The following MAGI3 variants were observed in gnomAD, a reference collection of about 807,000 sequenced individuals.
The protein encoded by MAGI3 is membrane associated guanylate kinase, WW and PDZ domain containing 3, also known as membrane-associated guanylate kinase, WW and PDZ domain-containing protein 3.
Under a neutral mutation model 121.8 loss-of-function variants are expected in MAGI3, and 43 were observed. That is an observed-to-expected ratio of 0.35 (90% CI 0.28 to 0.46). The LOEUF is 0.46. Among genes scored for constraint, MAGI3 ranks in the 20% least tolerant of loss-of-function variants. The pLI is 1.00. For missense variants in MAGI3, 1,547 were observed against 1,797.3 expected (o/e 0.86, Z 2.52); for synonymous variants, 553 against 639.3 (o/e 0.86, Z 2.04).
intron 1 of MAGI3, among the ~76,000 whole-genome samples, chr1:113,495,388 T>C (rs1656871920): frequency 6.6e-6 from 1 of 151,936 alleles, no homozygotes; most frequent in Non-Finnish European, 1.5e-5. Flanking sequence ...CAGTAGGTTT[T>C]CGGGGAATGG....
At chr1:113,478,532 T>C (rs1371088863) in intron 1 of MAGI3, among the ~76,000 whole-genome samples, 8 of 152,356 alleles carry the variant, frequency 5.3e-5, no homozygotes, top group Non-Finnish European at 4.4e-5. Context: ...CTCTAGACCC[T>C]GTTTGCCTGG....
At chr1:113,587,282 G>A (rs772999845) in intron 4 of MAGI3, among the ~76,000 whole-genome samples, 3 of 152,154 alleles carry the variant, frequency 2.0e-5, no homozygotes, top group Non-Finnish European at 4.4e-5. Context: ...ACTGCAATCT[G>A]TCTCCTAGGC....
chr1:113,477,458 T>C (rs1372622212), intron 1 of MAGI3, among the ~76,000 whole-genome samples: 1 of 152,166 alleles, frequency 6.6e-6, no homozygotes, highest in East Asian at 1.9e-4. Flanking sequence ...CTTGTCTGTA[T>C]AGGATTTTAT....
chr1:113,664,498 T>C (rs956976242), intron 16 of MAGI3, among the ~76,000 whole-genome samples: 1 of 152,140 alleles, frequency 6.6e-6, no homozygotes, highest in Non-Finnish European at 1.5e-5. Flanking sequence ...CACAGGAGGA[T>C]CACTTCAGCC....
chr1:113,661,127 C>A (rs1653767645), intron 16 of MAGI3, among the ~76,000 whole-genome samples: 1 of 152,092 alleles, frequency 6.6e-6, no homozygotes, highest in South Asian at 2.1e-4. Flanking sequence ...AACTGTAGAA[C>A]TGGAGTAGTA....
chr1:113,588,292 T>C (rs1404122946), intron 4 of MAGI3, among the ~76,000 whole-genome samples: 1 of 152,156 alleles, frequency 6.6e-6, no homozygotes, highest in Non-Finnish European at 1.5e-5. Flanking sequence ...GGAACATACC[T>C]AGAATATTCA....
chr1:113,453,376 A>AT (rs1337843032), intron 1 of MAGI3, among the ~76,000 whole-genome samples: 3 of 152,080 alleles, frequency 2.0e-5, no homozygotes, highest in Non-Finnish European at 4.4e-5. Context: ...CGATTTTTAT[A>AT]TTTTTTATAA....
intron 9 of MAGI3, among the ~76,000 whole-genome samples, chr1:113,640,428 C>T (rs1049441991): frequency 2.0e-5 from 3 of 152,152 alleles, no homozygotes; most frequent in Non-Finnish European, 4.4e-5. Context: ...GACACATGCA[C>T]ACGTATGTTT....
At chr1:113,643,076 G>A (rs1652641406) in intron 10 of MAGI3, among the ~76,000 whole-genome samples, 1 of 152,186 alleles carries the variant, frequency 6.6e-6, no homozygotes, top group South Asian at 2.1e-4. Flanking sequence ...GTGCTTATGT[G>A]AGAGAAATAT....
intron 1 of MAGI3, among the ~76,000 whole-genome samples, chr1:113,414,462 C>T (rs1159988883): frequency 2.0e-5 from 3 of 152,048 alleles, no homozygotes; most frequent in South Asian, 2.1e-4. Flanking sequence ...GTATTAGCTC[C>T]TCTTTGTACC....
At chr1:113,443,845 TA>T (rs901468187) in intron 1 of MAGI3, among the ~76,000 whole-genome samples, 3 of 152,258 alleles carry the variant, frequency 2.0e-5, no homozygotes, top group Admixed American at 2.0e-4. Context: ...AAAATTGAGG[TA>T]TAATTTACAT....
intron 1 of MAGI3, among the ~76,000 whole-genome samples, chr1:113,400,600 T>A (rs1188808472): frequency 6.6e-6 from 1 of 152,178 alleles, no homozygotes; most frequent in Non-Finnish European, 1.5e-5. Context: ...ATTAGAGTTC[T>A]CCAATATTAA....
intron 9 of MAGI3, among the ~76,000 whole-genome samples, chr1:113,623,490 A>T (rs1650995748): frequency 2.4e-4 from 1 of 4,236 alleles, no homozygotes; most frequent in South Asian, 0.033. Flanking sequence ...ACACACACAT[A>T]TATATATTTT....
chr1:113,567,740 A>G (rs1319374311), intron 2 of MAGI3, among the ~76,000 whole-genome samples: 1 of 151,964 alleles, frequency 6.6e-6, no homozygotes, highest in African/African-American at 2.4e-5. Context: ...TCAACATAAT[A>G]AAAGCTAACA....
chr1:113,450,640 G>T, intron 1 of MAGI3: 1 of 1,013,896 alleles, frequency 9.9e-7, no homozygotes. Flanking sequence ...CCGTGAAAGG[G>T]GACAGTTCTG....
At chr1:113,619,965 T>C (rs1650720054) in intron 8 of MAGI3, 135 bp downstream of exon 8, 1 of 549,526 alleles carries the variant, frequency 1.8e-6, no homozygotes, top group East Asian at 3.1e-5. Context: ...TGTAAAGATA[T>C]GAATAATCTT....
At chr1:113,480,114 A>G (rs1656040214) in intron 1 of MAGI3, among the ~76,000 whole-genome samples, 1 of 152,110 alleles carries the variant, frequency 6.6e-6, no homozygotes, top group African/African-American at 2.4e-5. Flanking sequence ...CTTTAGGGTC[A>G]TTTAGTGGTG....
At chr1:113,589,988 C>T (rs1430169515) in intron 4 of MAGI3, among the ~76,000 whole-genome samples, 1 of 152,008 alleles carries the variant, frequency 6.6e-6, no homozygotes, top group Non-Finnish European at 1.5e-5. Context: ...GAGCATGGAC[C>T]ACTTAGATTC....
At chr1:113,513,634 G>A (rs572571908) in intron 1 of MAGI3, among the ~76,000 whole-genome samples, 2 of 152,204 alleles carry the variant, frequency 1.3e-5, no homozygotes, top group South Asian at 2.1e-4. Flanking sequence ...ATTCAAGATG[G>A]ATTAAAGACT....
Sources: allele counts gnomAD v4.1 joint callset (sites outside exome capture counted in the v4.1 genomes callset), GRCh38; gene constraint gnomAD v4.1.1; transcripts MANE v1.5; gene names NCBI Gene and HGNC (gene_info 2026-07-23, HGNC 2026-07-21).